TEK: variants seen among roughly 807,000 people sequenced by gnomAD.
TEK encodes angiopoietin-1 receptor.
In TEK, 43 loss-of-function variants were observed where a neutral mutation model predicts 131.8. That is an observed-to-expected ratio of 0.33 (90% CI 0.26 to 0.42). The LOEUF (loss-of-function observed/expected upper bound fraction) is 0.42. Among genes scored for constraint, TEK ranks in the 10% least tolerant of loss-of-function variants. TEK has a pLI of 1.00. For synonymous variants in TEK, 580 were observed against 491.6 expected, an observed-to-expected ratio of 1.18 and a Z score of -2.38; for missense variants, 1,162 against 1,384.4, an observed-to-expected ratio of 0.84 and a Z score of 2.55.
In TEK at chr9:27,146,718, C is replaced by CT. The variant is rs1423361120; in HGVS notation, c.53-11112dup. Among the ~76,000 whole-genome samples the CT allele has an allele frequency of 4.0e-4, 52 of 129,668 alleles. 1 individual carries two copies. The highest frequency in any genetic ancestry group is 1.2e-3 in the African/African-American group (40 of 34,130). 85.1% of individuals were successfully genotyped at this position (129,668 alleles called of 152,430 possible). A position where few individuals can be genotyped will look rare whatever the true frequency, so the allele number is the denominator to read the frequency against. Reference sequence around the variant, plus strand: ...AATAAATAGAGCTGCTATAAACATTCTATTTTTTTTTTTTTTTTTTTTGGC... The same window carrying CT: ...AATAAATAGAGCTGCTATAAACATTCTTATTTTTTTTTTTTTTTTTTTTGGC... On this transcript the variant is annotated intron_variant, in intron 1 of 22. Transcript: ENST00000380036.
Position 27,132,531 on chromosome 9 carries a change from T to C in TEK, c.52+22889T>C, listed in dbSNP as rs745427145. Among the ~76,000 whole-genome samples, 6 of 152,204 alleles carry C rather than the reference T, an allele frequency of 3.9e-5. No individual in the cohort carries two copies. In the East Asian group the frequency reaches 7.7e-4, roughly 20 times the overall value. ...ACAGTGTCTTTCCTGGATATTTTTATTGGGACACCGGGGCATTCAGATGGC... is the reference window on the plus strand; with the variant it reads ...ACAGTGTCTTTCCTGGATATTTTTACTGGGACACCGGGGCATTCAGATGGC... On this transcript the variant is annotated intron_variant, in intron 1 of 22. Coordinates refer to ENST00000380036, the MANE Select transcript of TEK (RefSeq NM_000459.5).
intron 9 of TEK, among the ~76,000 whole-genome samples, chr9:27,185,944 A>C (rs1456655274): frequency 6.6e-6 from 1 of 152,136 alleles, no homozygotes; most frequent in African/African-American, 2.4e-5. Context: ...TCTTAGGGTT[A>C]TTGTGAAGCC....
intron 1 of TEK, among the ~76,000 whole-genome samples, chr9:27,117,871 G>C (rs1239183439): frequency 6.6e-6 from 1 of 152,194 alleles, no homozygotes; most frequent in Non-Finnish European, 1.5e-5. Flanking sequence ...GTTAAAGGGT[G>C]ATATCATGCT....
chr9:27,187,979 T>G (rs545695237), intron 9 of TEK, among the ~76,000 whole-genome samples: 30 of 152,256 alleles, frequency 2.0e-4, no homozygotes, highest in South Asian at 6.2e-4. Context: ...GACTTTAATG[T>G]GTGATTTGGG....
chr9:27,228,751 G>A (rs1419818400), intron 22 of TEK, among the ~76,000 whole-genome samples: 1 of 152,102 alleles, frequency 6.6e-6, no homozygotes, highest in Non-Finnish European at 1.5e-5. Flanking sequence ...CAAAATAAAA[G>A]TAAACACAGT....
intron 21 of TEK, 128 bp downstream of exon 21, chr9:27,220,273 T>C (rs900403132): frequency 5.2e-6 from 4 of 768,088 alleles, no homozygotes; most frequent in Admixed American, 2.1e-5. Flanking sequence ...AGATCCCAAA[T>C]AGGAACCCCT....
intron 6 of TEK, among the ~76,000 whole-genome samples, chr9:27,177,260 C>T (rs998045682): frequency 6.6e-6 from 1 of 152,164 alleles, no homozygotes; most frequent in Non-Finnish European, 1.5e-5. Context: ...TTTTGAAGAA[C>T]TTCCTTATTG....
At chr9:27,138,158 C>T (rs545500187) in intron 1 of TEK, among the ~76,000 whole-genome samples, 34 of 152,266 alleles carry the variant, frequency 2.2e-4, no homozygotes, top group African/African-American at 8.2e-4. Context: ...GTAGTGCAGA[C>T]CCAAAGAGTG....
intron 11 of TEK, among the ~76,000 whole-genome samples, chr9:27,193,437 T>A (rs1824894693): frequency 6.6e-6 from 1 of 152,184 alleles, no homozygotes; most frequent in South Asian, 2.1e-4. Context: ...AGATAACATG[T>A]GTAAAATTAC....
chr9:27,189,591 C>G (rs1490264313), intron 9 of TEK, among the ~76,000 whole-genome samples: 1 of 152,116 alleles, frequency 6.6e-6, no homozygotes, highest in Non-Finnish European at 1.5e-5. Context: ...AGTAGAGAAA[C>G]TTTCCTGACA....
intron 9 of TEK, among the ~76,000 whole-genome samples, chr9:27,186,560 C>A (rs1330072513): frequency 6.6e-6 from 1 of 152,154 alleles, no homozygotes; most frequent in African/African-American, 2.4e-5. Flanking sequence ...CAGATGTGAA[C>A]CCACAGATAC....
intron 1 of TEK, among the ~76,000 whole-genome samples, chr9:27,133,205 G>A (rs1822288607): frequency 6.6e-6 from 1 of 152,160 alleles, no homozygotes; most frequent in African/African-American, 2.4e-5. Context: ...AATGGCAGAA[G>A]TGTGAGGGTA....
Position 27,204,958 on chromosome 9 carries a change from G to A in TEK, c.2257G>A (p.Gly753Ser). Residue 753 changes from glycine (G) to serine (S), a missense_variant, in exon 14 of 23, where the codon GGC becomes AGC. Around this residue, in one of 6 missense-constraint regions of TEK, gnomAD observed 477 missense variants for 471.0 expected, o/e 1.01. Coordinates refer to ENST00000380036, the MANE Select transcript of TEK (RefSeq NM_000459.5). Reference protein sequence around the residue: ...GGKMLLIAILGSAGMTCLTVL... With the variant: ...GGKMLLIAILSSAGMTCLTVL... ...GAAGATGCTGCTTATAGCCATCCTT[G>A]GCTCTGCTGGAATGACCTGCCTGAC... 6.2e-7 allele frequency: 1 copy of A among 1,614,030 alleles called. No homozygotes were observed. The highest frequency in any genetic ancestry group is 8.5e-7 in the Non-Finnish European group (1 of 1,179,920).
At chr9:27,192,859 A>G (rs1824874589) in intron 11 of TEK, among the ~76,000 whole-genome samples, 1 of 152,206 alleles carries the variant, frequency 6.6e-6, no homozygotes, top group Non-Finnish European at 1.5e-5. Flanking sequence ...GGAGGTCTGC[A>G]GCACTCTGTA....
In TEK at chr9:27,165,837, T is replaced by G. The variant is rs1210231120; in HGVS notation, c.365-2658T>G. On this transcript the variant is annotated intron_variant, in intron 2 of 22. Transcript: ENST00000380036. ...ATCATCTGCACCAAAGGCATTCACA[T>G]ACCTGACCACCAGGGGAGTCTGTGC... 4.6e-5 allele frequency among the ~76,000 whole-genome samples: 7 copies of G among 152,296 alleles called. No individual in the cohort carries two copies. The South Asian group carries it at 1.5e-3, about 32-fold the overall frequency.
At chr9:27,227,096 T>C (rs891619299) in intron 21 of TEK, among the ~76,000 whole-genome samples, 5 of 152,182 alleles carry the variant, frequency 3.3e-5, no homozygotes, top group Non-Finnish European at 2.9e-5. Context: ...AAGAAACTTA[T>C]GTTAAAGTGT....
At chr9:27,134,332 G>A (rs1477075177) in intron 1 of TEK, among the ~76,000 whole-genome samples, 1 of 152,148 alleles carries the variant, frequency 6.6e-6, no homozygotes, top group African/African-American at 2.4e-5. Context: ...GGATTTGTAG[G>A]AGTTTAGGGA....
At chr9:27,219,533 T>C (rs979993318) in intron 20 of TEK, among the ~76,000 whole-genome samples, 18 of 152,006 alleles carry the variant, frequency 1.2e-4, no homozygotes, top group African/African-American at 4.3e-4. Context: ...AAATACCTAA[T>C]GTATGTGGGG....
chr9:27,152,545 T>G (rs184761099), intron 1 of TEK, among the ~76,000 whole-genome samples: 1 of 152,056 alleles, frequency 6.6e-6, no homozygotes, highest in Non-Finnish European at 1.5e-5. Context: ...TTTTATGTTT[T>G]TAATTAAGCA....
Sources: allele counts gnomAD v4.1 joint callset (sites outside exome capture counted in the v4.1 genomes callset), GRCh38; gene constraint gnomAD v4.1.1; regional missense constraint gnomAD v4.1.1; transcripts MANE v1.5; gene names NCBI Gene and HGNC (gene_info 2026-07-23, HGNC 2026-07-21).